USP31: variants seen among roughly 807,000 people sequenced by gnomAD.
USP31 encodes ubiquitin specific peptidase 31.
In USP31, 44 loss-of-function variants were observed where a neutral mutation model predicts 119.4. The observed-to-expected ratio is 0.37, with a 90% CI of 0.29 to 0.47. The LOEUF (loss-of-function observed/expected upper bound fraction) is 0.47. USP31 is among the 20% of genes least tolerant of loss of function. The pLI is 0.99. For missense variants in USP31, 1,643 were observed against 1,730.2 expected, an observed-to-expected ratio of 0.95 and a Z score of 0.89; for synonymous variants, 749 against 705.6, an observed-to-expected ratio of 1.06 and a Z score of -0.97.
At chr16:23,134,158 A>C (rs1903115608) in intron 1 of USP31, among the ~76,000 whole-genome samples, 1 of 152,136 alleles carries the variant, frequency 6.6e-6, no homozygotes, top group Non-Finnish European at 1.5e-5. Flanking sequence ...GAAACTTGAC[A>C]AAATGATTCT....
chr16:23,097,725 A>G (rs1247721558), intron 6 of USP31, among the ~76,000 whole-genome samples: 4 of 152,236 alleles, frequency 2.6e-5, no homozygotes, highest in Non-Finnish European at 5.9e-5. Flanking sequence ...GACAAAAACC[A>G]TATGATTATC....
chr16:23,142,028 T>C (rs1041682545), intron 1 of USP31, among the ~76,000 whole-genome samples: 1 of 152,276 alleles, frequency 6.6e-6, no homozygotes, highest in Non-Finnish European at 1.5e-5. Context: ...CTAAGTTCTC[T>C]GACGGCATGA....
At position 23,090,250 on chromosome 16, in the gene USP31, G is replaced by C. The variant is rs913572694; in HGVS notation, c.1415+374C>G. ...AAATATAAAAAATCCGCTGGGTGTGGTGGCTGGCGCCTATAATCCCAGCTA... is the reference window on the plus strand; with the variant it reads ...AAATATAAAAAATCCGCTGGGTGTGCTGGCTGGCGCCTATAATCCCAGCTA... On this transcript the variant is annotated intron_variant, in intron 7 of 15. Transcript: ENST00000219689. Among the ~76,000 whole-genome samples the C allele has an allele frequency of 7.2e-5, 11 of 152,270 alleles. No individual in the cohort carries two copies. The East Asian group carries it at 2.1e-3, about 29-fold the overall frequency.
At position 23,149,346 on chromosome 16, in the gene USP31, G is replaced by T. The variant is rs1332217504; in HGVS notation, c.-76C>A. 1.0e-6 allele frequency: 1 copy of T among 997,080 alleles called. No homozygotes were observed. Among genetic ancestry groups the T allele is most frequent in the African/African-American group, 1.8e-5 (1 of 56,860 alleles). The allele number at this position is 997,080 out of a possible 1,614,324, so 61.8% of individuals were successfully genotyped here. On this transcript the variant is annotated 5_prime_UTR_variant, in exon 1 of 16. Transcript: ENST00000219689. Reference sequence around the variant, plus strand: ...CCCGCCACGGCCGCCGCCGCATCCCGCAGCGCCGCGCCTCACCGGGCCCGG... The same window carrying T: ...CCCGCCACGGCCGCCGCCGCATCCCTCAGCGCCGCGCCTCACCGGGCCCGG...
At chr16:23,107,188 T>G (rs1327559153) in intron 2 of USP31, among the ~76,000 whole-genome samples, 1 of 152,138 alleles carries the variant, frequency 6.6e-6, no homozygotes, top group Non-Finnish European at 1.5e-5. Flanking sequence ...TGTATGTTGG[T>G]GCCTAATCAC....
intron 6 of USP31, among the ~76,000 whole-genome samples, chr16:23,091,996 G>A (rs1215434481): frequency 6.6e-6 from 1 of 152,206 alleles, no homozygotes; most frequent in Non-Finnish European, 1.5e-5. Flanking sequence ...TAGAATAGAT[G>A]TGGACTCCTG....
chr16:23,121,645 G>A (rs1182215539), intron 1 of USP31, among the ~76,000 whole-genome samples: 1 of 152,194 alleles, frequency 6.6e-6, no homozygotes, highest in Non-Finnish European at 1.5e-5. Flanking sequence ...TCAAAGAATA[G>A]ATCAAGCTGT....
chr16:23,093,785 C>T lies in USP31; in HGVS notation c.1235-2981G>A, dbSNP rs944930383. ...CAAAAGGTAGGAAAAAAACAAATGC[C>T]CATCAATAGATTAGTGGATAAACAA... On this transcript the variant is annotated intron_variant, in intron 6 of 15. Coordinates refer to ENST00000219689, the MANE Select transcript of USP31 (RefSeq NM_020718.4). Among the ~76,000 whole-genome samples the T allele has an allele frequency of 1.4e-4, 21 of 152,256 alleles. 1 individual carries two copies. Among genetic ancestry groups the T allele is most frequent in the African/African-American group, 5.1e-4 (21 of 41,546 alleles).
rs1266562519 is a variant in USP31 at position 23,072,311 on chromosome 16, AC to A, written c.2336-115del. The A allele has an allele frequency of 5.5e-5, 78 of 1,416,210 alleles. 1 individual carries two copies. The highest frequency in any genetic ancestry group is 7.1e-5 in the Non-Finnish European group (74 of 1,037,536). The allele number at this position is 1,416,210 out of a possible 1,614,324, so 87.7% of individuals were successfully genotyped here. A position where few individuals can be genotyped will look rare whatever the true frequency, so the allele number is the denominator to read the frequency against. The stretch of plus-strand genomic sequence containing the variant: ...TGAGCTGGGGGGCGTTGATGTCCTC[AC>A]CCCGAGGTCAGCATCAATTCCCAGA... On this transcript the variant is annotated intron_variant, in intron 14 of 15. Coordinates refer to ENST00000219689, the MANE Select transcript of USP31 (RefSeq NM_020718.4).
intron 12 of USP31, 116 bp downstream of exon 12, chr16:23,082,322 G>A: frequency 7.2e-7 from 1 of 1,385,362 alleles, no homozygotes; most frequent in Non-Finnish European, 1.0e-6. Context: ...AACATACACA[G>A]ACAGGACTCA....
In USP31 at chr16:23,148,949, G is replaced by C; in HGVS notation, c.322C>G (p.Pro108Ala). The stretch of plus-strand genomic sequence containing the variant: ...GGCGCGGGAGAGGCGGGCGGCGGCG[G>C]GCACGGCGGCGGCGTGGGCGCGGCG... ...PAAAPTPPPC[P>A]PPPASPAPPA... The change falls in exon 1 of 16, where the codon CCG (proline) becomes GCG (alanine). Residue 108 changes from proline (P) to alanine (A), a missense_variant. By Grantham distance (27) the Pro-to-Ala change is conservative. Transcript: ENST00000219689. 1 of 1,053,352 alleles carries C rather than the reference G, an allele frequency of 9.5e-7. No individual in the cohort carries two copies. Among genetic ancestry groups the C allele is most frequent in the Non-Finnish European group, 1.1e-6 (1 of 872,234 alleles). 65.3% of individuals were successfully genotyped at this position (1,053,352 alleles called of 1,614,324 possible). A position where few individuals can be genotyped will look rare whatever the true frequency, so the allele number is the denominator to read the frequency against.
intron 1 of USP31, among the ~76,000 whole-genome samples, chr16:23,137,494 T>A (rs139125022): frequency 3.7e-4 from 56 of 152,234 alleles, no homozygotes; most frequent in African/African-American, 1.3e-3. Context: ...TAATACTGTT[T>A]AATGTTTTAT....
chr16:23,078,139 C>T (rs1476880478), intron 13 of USP31, among the ~76,000 whole-genome samples: 2 of 151,766 alleles, frequency 1.3e-5, no homozygotes, highest in Admixed American at 1.3e-4. Flanking sequence ...TGGTGAAACC[C>T]CGTCTCTATT....
rs1899894874 is a variant in USP31 at position 23,062,700 on chromosome 16, G to A, written c.*5346C>T. On this transcript the variant is annotated 3_prime_UTR_variant, in exon 16 of 16. Coordinates refer to ENST00000219689, the MANE Select transcript of USP31 (RefSeq NM_020718.4). The stretch of plus-strand genomic sequence containing the variant: ...CAAACCCCGCGGGGACACTCAGCCT[G>A]CTCCAGCAACTAAGACCACCAATTT... 6.6e-6 allele frequency: 1 copy of A among 152,518 alleles called. No homozygotes were observed. Among genetic ancestry groups the A allele is most frequent in the Admixed American group, 6.5e-5 (1 of 15,288 alleles). The allele number at this position is 152,518 out of a possible 1,614,324, so 9.4% of individuals were successfully genotyped here.
chr16:23,073,357 G>A (rs559648000), intron 14 of USP31, among the ~76,000 whole-genome samples: 1 of 152,168 alleles, frequency 6.6e-6, no homozygotes, highest in African/African-American at 2.4e-5. Context: ...TATTACACCT[G>A]TATTATAGAT....
At chr16:23,097,361 C>A (rs2141861484) in intron 6 of USP31, among the ~76,000 whole-genome samples, 1 of 152,242 alleles carries the variant, frequency 6.6e-6, no homozygotes, top group African/African-American at 2.4e-5. Flanking sequence ...GCCTACCAAC[C>A]AAAAAGAGTC....
intron 11 of USP31, among the ~76,000 whole-genome samples, chr16:23,084,322 C>A (rs950368331): frequency 6.6e-6 from 1 of 152,196 alleles, no homozygotes; most frequent in South Asian, 2.1e-4. Flanking sequence ...CTACTACCTG[C>A]GAAGCCTTGC....
intron 11 of USP31, among the ~76,000 whole-genome samples, 190 bp downstream of exon 11, chr16:23,084,670 C>G (rs2141845040): frequency 6.6e-6 from 1 of 152,244 alleles, no homozygotes; most frequent in Non-Finnish European, 1.5e-5. Flanking sequence ...TCACGGTTTT[C>G]TAGAAACTTA....
intron 1 of USP31, among the ~76,000 whole-genome samples, chr16:23,137,437 G>C (rs528532688): frequency 6.6e-6 from 1 of 152,096 alleles, no homozygotes; most frequent in East Asian, 1.9e-4. Flanking sequence ...GTGAAAACAA[G>C]AACTCAAACA....
Sources: allele counts gnomAD v4.1 joint callset (sites outside exome capture counted in the v4.1 genomes callset), GRCh38; gene constraint gnomAD v4.1.1; transcripts MANE v1.5; gene names NCBI Gene and HGNC (gene_info 2026-07-23, HGNC 2026-07-21).